Variants in ACAN observed in about 807,000 individuals in gnomAD.
The protein encoded by ACAN is aggrecan.
In ACAN, 47 loss-of-function variants were observed where a neutral mutation model predicts 169.1. The observed-to-expected ratio is 0.28, with a 90% CI of 0.22 to 0.35. ACAN has a LOEUF of 0.35. ACAN is among the 10% of genes least tolerant of loss of function. ACAN has a pLI of 1.00. For synonymous variants in ACAN, 1,115 were observed against 1,112.2 expected, an observed-to-expected ratio of 1.00 and a Z score of -0.05; for missense variants, 2,716 against 2,759.9, an observed-to-expected ratio of 0.98 and a Z score of 0.36.
At position 88,847,435 on chromosome 15, in the gene ACAN, G is replaced by A. The variant is rs1031597904; in HGVS notation, c.1604+18G>A. On this transcript the variant is annotated intron_variant, in intron 8 of 18. Coordinates refer to ENST00000560601, the MANE Select transcript of ACAN (RefSeq NM_001369268.1). ...ACCGTCAGGTGAAGCCATGCTCCTC[G>A]CCCAGCCCAAACCCAATTGAAGAGG... 89 of 1,545,096 alleles carry A rather than the reference G, an allele frequency of 5.8e-5. No homozygotes were observed. Among genetic ancestry groups the A allele is most frequent in the Non-Finnish European group, 7.0e-5 (80 of 1,139,648 alleles).
chr15:88,825,147 A>C (rs574972004), intron 1 of ACAN, among the ~76,000 whole-genome samples: 13 of 152,190 alleles, frequency 8.5e-5, no homozygotes, highest in Admixed American at 8.5e-4. Flanking sequence ...GAGCAGGAGC[A>C]GGAGCGGATC....
In ACAN at chr15:88,859,005, C is replaced by A. The variant is rs372625220; in HGVS notation, c.6420C>A (p.Asn2140Lys). 3 of 1,613,980 alleles carry A rather than the reference C, an allele frequency of 1.9e-6. No homozygotes were observed. The highest frequency in any genetic ancestry group is 1.7e-5 in the Admixed American group (1 of 60,024). Residue 2140 changes from asparagine to lysine, a missense_variant, in exon 12 of 19, where the codon AAC becomes AAA. Transcript: ENST00000560601. ...SETTSAFHEANLERSSGLGVS... is the reference protein window; with the variant it reads ...SETTSAFHEAKLERSSGLGVS... The stretch of plus-strand genomic sequence containing the variant: ...CCACCTCTGCATTCCACGAAGCTAA[C>A]CTTGAGAGATCCTCTGGCCTAGGAG...
intron 1 of ACAN, among the ~76,000 whole-genome samples, chr15:88,834,739 G>T (rs965505653): frequency 6.6e-6 from 1 of 152,234 alleles, no homozygotes; most frequent in East Asian, 1.9e-4. Context: ...TGGAGGGAAG[G>T]TCACAGGAGG....
chr15:88,847,288 C>G lies in ACAN; in HGVS notation c.1475C>G (p.Thr492Ser). 1 of 1,571,936 alleles carries G rather than the reference C, an allele frequency of 6.4e-7. No individual in the cohort carries two copies. The highest frequency in any genetic ancestry group is 8.6e-7 in the Non-Finnish European group (1 of 1,159,874). ...CCGGGACCCACCCGCTACTCGCTGA[C>G]CTTTGAGGAGGCACAGCAGGCCTGC... The part of the protein sequence containing the change: ...YRPGPTRYSL[T>S]FEEAQQACLR... The change falls in exon 8 of 19, where the codon ACC (threonine) becomes AGC (serine). Residue 492 changes from threonine to serine, a missense_variant. By Grantham distance (58) the Thr-to-Ser change is moderately conservative. Around this residue, in one of 3 missense-constraint regions of ACAN, gnomAD observed 1,283 missense variants for 1,281.5 expected, o/e 1.00. Coordinates refer to ENST00000560601, the MANE Select transcript of ACAN (RefSeq NM_001369268.1).
Position 88,873,565 on chromosome 15 carries a change from C to T in ACAN, c.7448-277C>T. 2.1e-6 allele frequency: 1 copy of T among 486,136 alleles called. No homozygotes were observed. The highest frequency in any genetic ancestry group is 3.7e-6 in the Non-Finnish European group (1 of 270,168). The allele number at this position is 486,136 out of a possible 1,614,324, so 30.1% of individuals were successfully genotyped here. A position where few individuals can be genotyped will look rare whatever the true frequency, so the allele number is the denominator to read the frequency against. On this transcript the variant is annotated intron_variant, in intron 17 of 18. Coordinates refer to ENST00000560601, the MANE Select transcript of ACAN (RefSeq NM_001369268.1). The surrounding 1 kb of genome is among the most constrained non-coding windows in gnomAD (Gnocchi z 7.5). ...GTTTTCATCAAGAAGCCTGAGTCTG[C>T]CTGGCTCTCGCCCTCCACACCTTTC...
At position 88,822,225 on chromosome 15, in the gene ACAN, A is replaced by G. The variant is rs576715260; in HGVS notation, c.-7-13975A>G. On this transcript the variant is annotated intron_variant, in intron 1 of 18. Coordinates refer to ENST00000560601, the MANE Select transcript of ACAN (RefSeq NM_001369268.1). ...CCATCCAGCATGGCCCAAGCCTCCC[A>G]CATAAACAGATTCTTATTAGACAGG... Among the ~76,000 whole-genome samples, 32 of 152,290 alleles carry G rather than the reference A, an allele frequency of 2.1e-4. 1 individual carries two copies. The highest frequency in any genetic ancestry group is 2.2e-4 in the Non-Finnish European group (15 of 68,016).
In ACAN at chr15:88,866,080, C is replaced by T. The variant is rs1897275959; in HGVS notation, c.6947-2136C>T. Among the ~76,000 whole-genome samples the T allele has an allele frequency of 6.6e-6, 1 of 152,160 alleles. No homozygotes were observed. The highest frequency in any genetic ancestry group is 6.5e-5 in the Admixed American group (1 of 15,274). ...GCCTTCTCAGATTTTGTGCCCTGGT[C>T]AAACACAGAAAGAAAGCAACGCTCC... is the stretch of plus-strand genomic sequence containing the variant. On this transcript the variant is annotated intron_variant, in intron 13 of 18. Coordinates refer to ENST00000560601, the MANE Select transcript of ACAN (RefSeq NM_001369268.1). The surrounding 1 kb of genome is among the most constrained non-coding windows in gnomAD (Gnocchi z 5.6).
intron 1 of ACAN, among the ~76,000 whole-genome samples, chr15:88,817,494 G>A (rs1004290445): frequency 3.3e-5 from 5 of 151,286 alleles, no homozygotes; most frequent in African/African-American, 1.2e-4. Flanking sequence ...TTTAGAGACA[G>A]ATTTCCTTTA....
chr15:88,874,544 C>A lies in ACAN; in HGVS notation c.*63C>A. ...GGAGCCTGCCAGGCTGACGTGCATC[C>A]CACCCAGACGGTGTCCTCTTCTTGT... On this transcript the variant is annotated 3_prime_UTR_variant, in exon 19 of 19. Transcript: ENST00000560601. This position sits in a 1 kb window ranked among gnomAD's most constrained non-coding sequence, Gnocchi z 7.3. 7.1e-7 allele frequency: 1 copy of A among 1,408,532 alleles called. No individual in the cohort carries two copies. Among genetic ancestry groups the A allele is most frequent in the Non-Finnish European group, 9.9e-7 (1 of 1,014,838 alleles). 87.3% of individuals were successfully genotyped at this position (1,408,532 alleles called of 1,614,324 possible). A position where few individuals can be genotyped will look rare whatever the true frequency, so the allele number is the denominator to read the frequency against.
At chr15:88,804,178 C>G (rs1895617073) in intron 1 of ACAN, among the ~76,000 whole-genome samples, 1 of 152,204 alleles carries the variant, frequency 6.6e-6, no homozygotes, top group African/African-American at 2.4e-5. Flanking sequence ...AATGTGGGTT[C>G]AAATCCCCGA....
At chr15:88,828,575 T>G (rs113534960) in intron 1 of ACAN, among the ~76,000 whole-genome samples, 15 of 152,190 alleles carry the variant, frequency 9.9e-5, no homozygotes, top group Non-Finnish European at 1.5e-4. Context: ...CCAGAGAATG[T>G]GCTCAATAGG....
intron 1 of ACAN, among the ~76,000 whole-genome samples, chr15:88,812,216 G>A (rs574036970): frequency 8.3e-4 from 126 of 152,184 alleles, no homozygotes; most frequent in Non-Finnish European, 1.6e-3. Context: ...AGGGACTCCC[G>A]GGTTTGCACA....
At chr15:88,847,102 C>T in intron 7 of ACAN, 141 bp from the exon 8 acceptor site, 1 of 964,122 alleles carries the variant, frequency 1.0e-6, no homozygotes, top group Non-Finnish European at 1.5e-6. Flanking sequence ...CACGTGGCTA[C>T]CAAGTGGGAT....
intron 9 of ACAN, 33 bp downstream of exon 9, chr15:88,848,071 G>C (rs538630041): frequency 6.2e-7 from 1 of 1,607,466 alleles, no homozygotes; most frequent in South Asian, 1.1e-5. Flanking sequence ...TCGGGCCCTA[G>C]ATGGGCAGGG....
intron 1 of ACAN, among the ~76,000 whole-genome samples, chr15:88,812,954 C>A (rs1377898197): frequency 2.6e-5 from 4 of 152,184 alleles, no homozygotes; most frequent in Non-Finnish European, 5.9e-5. Flanking sequence ...CCTTCCAAGG[C>A]CAGCAACAGG....
Position 88,871,258 on chromosome 15 carries a change from C to A in ACAN, c.7061-124C>A. 1.5e-6 allele frequency: 2 copies of A among 1,373,256 alleles called. No individual in the cohort carries two copies. The highest frequency in any genetic ancestry group is 2.0e-6 in the Non-Finnish European group (2 of 1,004,514). 85.1% of individuals were successfully genotyped at this position (1,373,256 alleles called of 1,614,324 possible). A position where few individuals can be genotyped will look rare whatever the true frequency, so the allele number is the denominator to read the frequency against. On this transcript the variant is annotated intron_variant, in intron 14 of 18. Transcript: ENST00000560601. This position sits in a 1 kb window ranked among gnomAD's most constrained non-coding sequence, Gnocchi z 7.8. ...TGAACTCCTCCAGCTGTGCCTCTCCCTTCCCTTGAGGGCACAGCATGGAAG... is the reference window on the plus strand; with the variant it reads ...TGAACTCCTCCAGCTGTGCCTCTCCATTCCCTTGAGGGCACAGCATGGAAG...
intron 2 of ACAN, among the ~76,000 whole-genome samples, chr15:88,837,142 C>A (rs2141559056): frequency 6.6e-6 from 1 of 152,252 alleles, no homozygotes; most frequent in East Asian, 1.9e-4. Context: ...TGGGAGCCAC[C>A]CTGGGCCCAA....
In ACAN at chr15:88,851,988, G is replaced by C; in HGVS notation, c.2221G>C (p.Glu741Gln). 6.2e-7 allele frequency: 1 copy of C among 1,611,478 alleles called. No individual in the cohort carries two copies. ...EFTTEPENQT[E>Q]WEPAYTPVGT... ...CACCACCGAGCCAGAAAACCAGACA[G>C]AATGGGAACCAGCCTATACCCCAGT... is the stretch of plus-strand genomic sequence containing the variant. The change falls in exon 11 of 19, where the codon GAA becomes CAA. Residue 741 changes from glutamate (E) to glutamine (Q), a missense_variant. By Grantham distance (29) the Glu-to-Gln change is conservative. This residue lies in a region of ACAN where 1,283 missense variants were observed against 1,281.5 expected (regional missense o/e 1.00). Coordinates refer to ENST00000560601, the MANE Select transcript of ACAN (RefSeq NM_001369268.1). The surrounding 1 kb of genome is among the most constrained non-coding windows in gnomAD (Gnocchi z 4.3).
intron 1 of ACAN, among the ~76,000 whole-genome samples, chr15:88,834,695 G>A (rs184331459): frequency 3.3e-4 from 51 of 152,358 alleles, no homozygotes; most frequent in African/African-American, 1.2e-3. Context: ...CCATCCAACA[G>A]AACAACTCGG....
Sources: gnomAD v4.1 joint callset for allele counts (sites outside exome capture counted in the v4.1 genomes callset) on GRCh38, gnomAD v4.1.1 for gene constraint, gnomAD v4.1.1 regional missense constraint, Gnocchi (gnomAD v3.1) non-coding constraint, MANE v1.5 for transcripts, NCBI Gene and HGNC (gene_info 2026-07-23, HGNC 2026-07-21) for gene names.